The following NKAIN2 variants were observed in gnomAD, a reference collection of about 807,000 sequenced individuals.
The protein encoded by NKAIN2 is sodium/potassium transporting ATPase interacting 2, also known as sodium/potassium-transporting ATPase subunit beta-1-interacting protein 2.
NKAIN2 carries 14 observed loss-of-function variants against 32.6 expected under a neutral mutation model. The observed-to-expected ratio is 0.43, with a 90% CI of 0.28 to 0.67. NKAIN2 has a LOEUF of 0.67. NKAIN2 is among the 30% of genes least tolerant of loss of function. NKAIN2 has a pLI of 0.17. For missense variants in NKAIN2, 198 were observed against 258.3 expected (o/e 0.77, Z 1.60); for synonymous variants, 80 against 87.2 (o/e 0.92, Z 0.46).
chr6:124,583,000 C>T (rs956833364), intron 3 of NKAIN2, among the ~76,000 whole-genome samples: 1 of 151,992 alleles, frequency 6.6e-6, no homozygotes, highest in Non-Finnish European at 1.5e-5. Flanking sequence ...ACAAAAGGCT[C>T]ACAGCTAGTA....
At chr6:124,796,799 G>A (rs1473124034) in intron 5 of NKAIN2, among the ~76,000 whole-genome samples, 1 of 152,182 alleles carries the variant, frequency 6.6e-6, no homozygotes, top group East Asian at 1.9e-4. Context: ...CATCTTGGGA[G>A]AAAAGGCTTT....
intron 1 of NKAIN2, among the ~76,000 whole-genome samples, chr6:124,027,702 C>T (rs1781177675): frequency 7.0e-6 from 1 of 142,388 alleles, no homozygotes; most frequent in South Asian, 2.2e-4. Context: ...TCAACTGAAT[C>T]AACTGTCAAG....
At chr6:123,847,640 T>C (rs984957567) in intron 1 of NKAIN2, among the ~76,000 whole-genome samples, 1 of 152,188 alleles carries the variant, frequency 6.6e-6, no homozygotes, top group African/African-American at 2.4e-5. Flanking sequence ...GAGGATCCCA[T>C]TTGTGAGAAT....
chr6:124,437,292 C>A (rs1440541106), intron 3 of NKAIN2, among the ~76,000 whole-genome samples: 1 of 152,156 alleles, frequency 6.6e-6, no homozygotes, highest in Non-Finnish European at 1.5e-5. Flanking sequence ...TGGCGCCATG[C>A]CTGGCACAGA....
chr6:124,389,676 CTCTA>C (rs1189220934), intron 3 of NKAIN2, among the ~76,000 whole-genome samples: 1 of 151,420 alleles, frequency 6.6e-6, no homozygotes, highest in South Asian at 2.1e-4. Flanking sequence ...CCCTCTTTCT[CTCTA>C]TCTTTCTCTC....
chr6:124,204,860 A>G (rs1790775758), intron 1 of NKAIN2, among the ~76,000 whole-genome samples: 1 of 151,806 alleles, frequency 6.6e-6, no homozygotes, highest in East Asian at 1.9e-4. Flanking sequence ...GTTTCTTAGC[A>G]TATTACTATA....
chr6:124,370,550 T>A (rs1256221762), intron 3 of NKAIN2, among the ~76,000 whole-genome samples: 3 of 152,116 alleles, frequency 2.0e-5, no homozygotes, highest in Non-Finnish European at 2.9e-5. Flanking sequence ...TAGCATAATA[T>A]ATAAAACTGA....
intron 1 of NKAIN2, among the ~76,000 whole-genome samples, chr6:124,198,574 T>G (rs1388671244): frequency 6.6e-6 from 1 of 151,896 alleles, no homozygotes; most frequent in African/African-American, 2.4e-5. Context: ...ATAATCACAA[T>G]AACTCTGAGT....
intron 1 of NKAIN2, among the ~76,000 whole-genome samples, chr6:123,954,676 C>T (rs1386133993): frequency 6.6e-6 from 1 of 152,186 alleles, no homozygotes; most frequent in African/African-American, 2.4e-5. Context: ...TAAAGAGTAA[C>T]TTTATCTACC....
intron 4 of NKAIN2, among the ~76,000 whole-genome samples, chr6:124,719,720 G>A (rs113715479): frequency 2.0e-5 from 2 of 98,926 alleles, no homozygotes; most frequent in East Asian, 6.7e-4. Context: ...AACTGACCCT[G>A]CTAATCAAAA....
At chr6:124,604,045 A>G (rs949623618) in intron 3 of NKAIN2, among the ~76,000 whole-genome samples, 2 of 152,046 alleles carry the variant, frequency 1.3e-5, no homozygotes, top group Non-Finnish European at 2.9e-5. Flanking sequence ...TTCTTTGAGA[A>G]TCAAGAAGAT....
Position 124,181,715 on chromosome 6 carries a change from G to A in NKAIN2, c.55-101290G>A, listed in dbSNP as rs144813606. ...GTCTTTTTGCTAAACCATAGAAAGT[G>A]TGACCTTTGCTCCGGCTCCCAACAG... is the stretch of plus-strand genomic sequence containing the variant. On this transcript the variant is annotated intron_variant, in intron 1 of 6. Transcript: ENST00000368417. 9.9e-3 allele frequency among the ~76,000 whole-genome samples: 1,509 copies of A among 152,232 alleles called. 22 individuals carry two copies. The highest frequency in any genetic ancestry group is 0.035 in the African/African-American group (1,434 of 41,550).
At chr6:124,044,741 G>A (rs903728910) in intron 1 of NKAIN2, among the ~76,000 whole-genome samples, 4 of 152,070 alleles carry the variant, frequency 2.6e-5, no homozygotes, top group Non-Finnish European at 5.9e-5. Context: ...CAGGTCAATT[G>A]CTTTGGCAGA....
intron 1 of NKAIN2, among the ~76,000 whole-genome samples, chr6:124,165,519 T>C (rs1325728964): frequency 6.6e-6 from 1 of 152,110 alleles, no homozygotes; most frequent in East Asian, 1.9e-4. Context: ...TTTTATTTTA[T>C]TTTATTATTA....
At chr6:124,126,054 G>T (rs369186212) in intron 1 of NKAIN2, among the ~76,000 whole-genome samples, 1 of 151,752 alleles carries the variant, frequency 6.6e-6, no homozygotes, top group Admixed American at 6.6e-5. Flanking sequence ...CTGGCTTCTC[G>T]GGTGGGTCTC....
intron 2 of NKAIN2, among the ~76,000 whole-genome samples, chr6:124,312,617 G>A (rs1796769450): frequency 2.0e-5 from 3 of 152,150 alleles, no homozygotes. Flanking sequence ...GCTGCTCTCT[G>A]GGAATCTTCA....
chr6:124,751,812 C>A (rs1583793099), intron 4 of NKAIN2, among the ~76,000 whole-genome samples: 1 of 134,068 alleles, frequency 7.5e-6, no homozygotes, highest in African/African-American at 2.8e-5. Flanking sequence ...GACCCCATCT[C>A]AATAAATAAA....
At chr6:124,797,869 A>G (rs992914897) in intron 5 of NKAIN2, among the ~76,000 whole-genome samples, 5 of 152,160 alleles carry the variant, frequency 3.3e-5, no homozygotes, top group Non-Finnish European at 7.3e-5. Context: ...CTTCCTGTCT[A>G]TAAAGGAATG....
chr6:124,798,003 ACCTT>A (rs753284861), intron 5 of NKAIN2, among the ~76,000 whole-genome samples: 126 of 151,394 alleles, frequency 8.3e-4, no homozygotes, highest in African/African-American at 2.4e-3. Flanking sequence ...CTGCCTTCTT[ACCTT>A]CCTTCCTTCC....
Sources: gnomAD v4.1 joint callset for allele counts (sites outside exome capture counted in the v4.1 genomes callset) on GRCh38, gnomAD v4.1.1 for gene constraint, MANE v1.5 for transcripts, NCBI Gene and HGNC (gene_info 2026-07-23, HGNC 2026-07-21) for gene names.